Variants in MRAP2 observed in about 807,000 individuals in gnomAD.
MRAP2 encodes the protein melanocortin-2 receptor accessory protein 2.
MRAP2 carries 20 observed loss-of-function variants against 17.4 expected under a neutral mutation model. The ratio of observed to expected loss-of-function variants is 1.15; its 90% CI spans 0.81 to 1.67. The LOEUF is 1.67. Ranked by LOEUF, MRAP2 falls within the 40% of genes most tolerant of loss-of-function variation. MRAP2 has a pLI of 0.00. For missense variants in MRAP2, 238 were observed against 240.0 expected, an observed-to-expected ratio of 0.99 and a Z score of 0.05; for synonymous variants, 96 against 88.4, an observed-to-expected ratio of 1.09 and a Z score of -0.48.
At chr6:84,082,146 CA>C (rs1215875383) in intron 3 of MRAP2, among the ~76,000 whole-genome samples, 1 of 152,140 alleles carries the variant, frequency 6.6e-6, no homozygotes. Context: ...AGAAATAGAA[CA>C]GTTTGCATTT....
the MRAP2 span, among the ~76,000 whole-genome samples, chr6:84,106,110 AT>A: frequency 2.0e-5 from 3 of 152,268 alleles, no homozygotes; most frequent in African/African-American, 7.2e-5. Context: ...GTATCTTCAA[AT>A]GACAATCCCA....
intron 2 of MRAP2, among the ~76,000 whole-genome samples, chr6:84,057,631 A>T (rs975818393): frequency 3.9e-5 from 6 of 152,170 alleles, no homozygotes; most frequent in Non-Finnish European, 1.5e-5. Context: ...TCATTCATTC[A>T]ATATATATTT....
rs542938444 is a variant in MRAP2 at position 84,061,758 on chromosome 6, T to TGA, written c.128-1134_128-1133insAG. On this transcript the variant is annotated intron_variant, in intron 2 of 3. Transcript: ENST00000257776. ...GATTGGAAACACATGGCTTTTAAAG[T>TGA]GGTAAATTGGGAGAAAATGACAATT... 4.1e-4 allele frequency: 406 copies of TGA among 984,928 alleles called. No homozygotes were observed. In the Middle Eastern group the frequency reaches 6.3e-3, roughly 15 times the overall value. 61.0% of individuals were successfully genotyped at this position (984,928 alleles called of 1,614,324 possible).
chr6:84,038,576 C>T (rs1213493097), intron 1 of MRAP2, among the ~76,000 whole-genome samples: 1 of 152,146 alleles, frequency 6.6e-6, no homozygotes, highest in African/African-American at 2.4e-5. Flanking sequence ...ACTGCAGCCT[C>T]AACCTCTTGG....
chr6:84,051,380 A>G (rs535254301), intron 1 of MRAP2, among the ~76,000 whole-genome samples: 1 of 152,320 alleles, frequency 6.6e-6, no homozygotes, highest in East Asian at 1.9e-4. Context: ...AGCATGGCAA[A>G]ACCCTGTCTA....
At chr6:84,101,103 A>G in the MRAP2 span, among the ~76,000 whole-genome samples, 2 of 152,318 alleles carry the variant, frequency 1.3e-5, no homozygotes, top group East Asian at 1.9e-4. Context: ...ATCTTAATGT[A>G]TTCATTGTTC....
At chr6:84,038,942 A>G (rs1021462059) in intron 1 of MRAP2, among the ~76,000 whole-genome samples, 1 of 152,264 alleles carries the variant, frequency 6.6e-6, no homozygotes, top group Non-Finnish European at 1.5e-5. Context: ...AGCAGGCCCC[A>G]CAAGTTGTGC....
Position 84,046,047 on chromosome 6 carries a change from G to A in MRAP2, c.-7-9265G>A, listed in dbSNP as rs150441216. ...TGAATGCAGTAGACAGAGGCAGTGT[G>A]ATGTGAACCGCCATGGAAGTGTCTG... On this transcript the variant is annotated intron_variant, in intron 1 of 3. Transcript: ENST00000257776. Among the ~76,000 whole-genome samples the A allele has an allele frequency of 7.9e-3, 1,209 of 152,298 alleles. 17 individuals are homozygous for A. Among genetic ancestry groups the A allele is most frequent in the African/African-American group, 0.028 (1,152 of 41,570 alleles).
the MRAP2 span, among the ~76,000 whole-genome samples, chr6:84,146,041 A>G: frequency 3.3e-5 from 5 of 152,106 alleles, no homozygotes; most frequent in African/African-American, 9.7e-5. Context: ...GAATTGACCT[A>G]TTCTCAGCAC....
chr6:84,075,676 C>T (rs548349443), intron 3 of MRAP2, among the ~76,000 whole-genome samples: 61 of 152,144 alleles, frequency 4.0e-4, no homozygotes, highest in African/African-American at 1.4e-3. Flanking sequence ...ATTATCAAAC[C>T]CCAGACATTA....
At chr6:84,095,377 A>T (rs188252260), downstream of MRAP2, among the ~76,000 whole-genome samples, 244 of 152,302 alleles carry the variant, frequency 1.6e-3, no homozygotes, top group African/African-American at 5.5e-3. Context: ...TGCTCACTTT[A>T]CATGCAGAAA....
chr6:84,138,616 C>T, the MRAP2 span, among the ~76,000 whole-genome samples: 1 of 152,182 alleles, frequency 6.6e-6, no homozygotes, highest in Non-Finnish European at 1.5e-5. Context: ...GCTTAGCTTT[C>T]TAGTAGTGAG....
chr6:84,123,047 A>C, the MRAP2 span, among the ~76,000 whole-genome samples: 250 of 152,102 alleles, frequency 1.6e-3, 1 homozygote, highest in Admixed American at 3.7e-3. Context: ...GGTAAAAAAG[A>C]ACTACAAAGC....
Position 84,041,912 on chromosome 6 carries a change from G to A in MRAP2, c.-8+8029G>A, listed in dbSNP as rs2099487690. Among the ~76,000 whole-genome samples, 6 of 152,224 alleles carry A rather than the reference G, an allele frequency of 3.9e-5. No individual in the cohort carries two copies. In the South Asian group the frequency reaches 1.2e-3, roughly 31 times the overall value. On this transcript the variant is annotated intron_variant, in intron 1 of 3. Transcript: ENST00000257776. ...GAATGAGTTAAGACTTTGGGGAACT[G>A]TTGAGAAGGCATGATTGTGTTTTGA...
chr6:84,055,187 A>C (rs907773124), intron 1 of MRAP2, 125 bp from the exon 2 acceptor site: 3 of 1,048,274 alleles, frequency 2.9e-6, no homozygotes, highest in Non-Finnish European at 1.4e-6. Context: ...CTCCTGGCCT[A>C]GGAGGTAAGA....
In MRAP2 at chr6:84,062,973, A is replaced by C. The variant is rs1409491889; in HGVS notation, c.208A>C (p.Thr70Pro). The change falls in exon 3 of 4, where the codon ACA (threonine) becomes CCA (proline). Residue 70 changes from threonine (T) to proline (P), a missense_variant. Coordinates refer to ENST00000257776, the MANE Select transcript of MRAP2 (RefSeq NM_138409.4). ...MFFVLTLLTK[T>P]GAPHQDNAES... The stretch of plus-strand genomic sequence containing the variant: ...TTTTGTGCTGACCTTGCTGACCAAG[A>C]CAGGAGCCCCACACCAAGAGTAAGT... 6.2e-7 allele frequency: 1 copy of C among 1,614,062 alleles called. No individual in the cohort carries two copies. Among genetic ancestry groups the C allele is most frequent in the African/African-American group, 1.3e-5 (1 of 74,920 alleles).
chr6:84,060,731 G>T (rs1045817285), intron 2 of MRAP2, among the ~76,000 whole-genome samples: 1 of 151,458 alleles, frequency 6.6e-6, no homozygotes, highest in Non-Finnish European at 1.5e-5. Flanking sequence ...TGTCACCCAG[G>T]CTGCAGTGCT....
At chr6:84,086,696 G>C (rs2099500550) in intron 3 of MRAP2, among the ~76,000 whole-genome samples, 1 of 152,178 alleles carries the variant, frequency 6.6e-6, no homozygotes, top group Non-Finnish European at 1.5e-5. Context: ...AGCCAGAAGG[G>C]AGGGGGTGGC....
Position 84,079,461 on chromosome 6 carries a change from G to A in MRAP2, c.228-9630G>A, listed in dbSNP as rs1290539338. Among the ~76,000 whole-genome samples the A allele has an allele frequency of 2.0e-5, 3 of 152,156 alleles. No individual in the cohort carries two copies. The South Asian group carries it at 6.2e-4, about 31-fold the overall frequency. ...AAATGTCCTTTATGTTGATTGGGGT[G>A]GTAGTTACATGGGTGTGTTCATTAA... On this transcript the variant is annotated intron_variant, in intron 3 of 3. Transcript: ENST00000257776.
Sources: gnomAD v4.1 joint callset for allele counts (sites outside exome capture counted in the v4.1 genomes callset) on GRCh38, gnomAD v4.1.1 for gene constraint, MANE v1.5 for transcripts, NCBI Gene and HGNC (gene_info 2026-07-23, HGNC 2026-07-21) for gene names.